The following FAT1 variants were observed in gnomAD, a reference collection of about 807,000 sequenced individuals.
The protein encoded by FAT1 is FAT atypical cadherin 1, also known as protocadherin Fat 1.
FAT1 carries 171 observed loss-of-function variants against 329.8 expected under a neutral mutation model. The observed-to-expected ratio is 0.52, with a 90% CI of 0.46 to 0.59. The LOEUF is 0.59. Among genes scored for constraint, FAT1 ranks in the 20% least tolerant of loss-of-function variants. The pLI is 0.00. For synonymous variants in FAT1, 2,233 were observed against 2,228.6 expected, an observed-to-expected ratio of 1.00 and a Z score of -0.06; for missense variants, 5,672 against 5,774.4, an observed-to-expected ratio of 0.98 and a Z score of 0.57.
In FAT1 at chr4:186,620,086, T is replaced by C. The variant is rs775086899; in HGVS notation, c.6500A>G (p.Glu2167Gly). 33 of 1,613,990 alleles carry C rather than the reference T, an allele frequency of 2.0e-5. 2 individuals carry two copies. The South Asian group carries it at 3.5e-4, about 17-fold the overall frequency. The change falls in exon 10 of 27, where the codon GAA (glutamate) becomes GGA (glycine). Residue 2167 changes from glutamate (E) to glycine (G), a missense_variant. Physicochemically the swap from Glu to Gly is moderately conservative, Grantham distance 98. Transcript: ENST00000441802. ...CATGACAGTGATCGGAACGATAACTTCCGCTGAAAAGGCCGGGTTCCCTCC... is the reference window on the plus strand; with the variant it reads ...CATGACAGTGATCGGAACGATAACTCCCGCTGAAAAGGCCGGGTTCCCTCC... ...KDGGNPAFSA[E>G]VIVPITVMNK...
intron 2 of FAT1, among the ~76,000 whole-genome samples, chr4:186,696,466 A>G (rs1439887916): frequency 6.6e-6 from 1 of 152,200 alleles, no homozygotes; most frequent in African/African-American, 2.4e-5. Flanking sequence ...AAACATGCAC[A>G]GGATCTATGA....
chr4:186,609,949 G>A lies in FAT1; in HGVS notation c.9920C>T (p.Ala3307Val), dbSNP rs2126460353. Residue 3307 changes from alanine (A) to valine (V), a missense_variant, in exon 15 of 27, where the codon GCC becomes GTC. Ala to Val is a moderately conservative substitution (Grantham distance 64, BLOSUM62 0). This residue lies in a region of FAT1 where 1,706 missense variants were observed against 1,859.1 expected (regional missense o/e 0.92). Coordinates refer to ENST00000441802, the MANE Select transcript of FAT1 (RefSeq NM_005245.4). ...CAGTGAAGGCGTGCCTCCATCAGTG[G>A]CCTCTACTGTTAGGTAATACTCATG... ...SSHEYYLTVEATDGGTPSLSD... is the reference protein window; with the variant it reads ...SSHEYYLTVEVTDGGTPSLSD... The A allele has an allele frequency of 1.2e-6, 2 of 1,613,292 alleles. No individual in the cohort carries two copies. The highest frequency in any genetic ancestry group is 1.7e-6 in the Non-Finnish European group (2 of 1,179,318).
chr4:186,615,502 A>T (rs1163567631), intron 11 of FAT1, among the ~76,000 whole-genome samples: 2 of 152,074 alleles, frequency 1.3e-5, no homozygotes, highest in African/African-American at 4.8e-5. Context: ...TGTCACTCTC[A>T]GCCTTCTTCC....
intron 1 of FAT1, among the ~76,000 whole-genome samples, chr4:186,723,025 G>C (rs569628897): frequency 6.6e-6 from 1 of 152,296 alleles, no homozygotes; most frequent in African/African-American, 2.4e-5. Context: ...ACAGCAGAAA[G>C]CTGGCTCTCT....
chr4:186,606,991 G>C (rs1739175840), intron 16 of FAT1, among the ~76,000 whole-genome samples: 1 of 152,218 alleles, frequency 6.6e-6, no homozygotes, highest in South Asian at 2.1e-4. Flanking sequence ...GGACAGAAGT[G>C]TATTAAAGGA....
intron 17 of FAT1, among the ~76,000 whole-genome samples, chr4:186,605,005 G>T (rs1421970932): frequency 6.6e-6 from 1 of 151,956 alleles, no homozygotes; most frequent in East Asian, 2.0e-4. Context: ...GATCACCTGA[G>T]GTCAGGAGTT....
intron 2 of FAT1, among the ~76,000 whole-genome samples, chr4:186,688,114 G>GAAAAAAAAAAAAAA (rs55834504): frequency 1.1e-4 from 6 of 55,652 alleles, no homozygotes; most frequent in Non-Finnish European, 1.6e-4. Context: ...ACTCAAAGCT[G>GAAAAAAAAAAAAAA]AAAAAAAAAA....
intron 3 of FAT1, among the ~76,000 whole-genome samples, chr4:186,650,231 C>T (rs763261760): frequency 5.9e-5 from 9 of 152,186 alleles, no homozygotes; most frequent in Non-Finnish European, 1.2e-4. Flanking sequence ...AGAACCACAA[C>T]TCAGCTAAGT....
rs762300432 is a variant in FAT1, at chr4:186,663,562, C to T, written c.3317G>A (p.Trp1106Ter). The T allele has an allele frequency of 6.2e-7, 1 of 1,612,910 alleles. No individual in the cohort carries two copies. ...CTGATCGGTTGCAAAGACTGTTAGC[C>T]AATAATGGGAGGTCGATTCACGGTC... ...RLDRESTSHYWLTVFATDQGV... is the reference protein window; with the variant it reads ...RLDRESTSHY Residue 1106 changes from tryptophan (W) to a stop codon, truncating the protein, a stop_gained, in exon 3 of 27, where the codon TGG becomes TAG. Coordinates refer to ENST00000441802, the MANE Select transcript of FAT1 (RefSeq NM_005245.4). LOFTEE classifies it high-confidence loss of function.
In FAT1 at chr4:186,614,349, A is replaced by G; in HGVS notation, c.9076-5T>C. 2 of 1,521,042 alleles carry G rather than the reference A, an allele frequency of 1.3e-6. No individual in the cohort carries two copies. Among genetic ancestry groups the G allele is most frequent in the East Asian group, 5.0e-5 (2 of 40,146 alleles). 94.2% of individuals were successfully genotyped at this position (1,521,042 alleles called of 1,614,324 possible). ...AATAGTGTCTGAATATAAAGTCTGC[A>G]AAGAGTTTAAACAAAAACGTTACAT... On this transcript the variant is annotated splice_polypyrimidine_tract_variant and splice_region_variant and intron_variant, in intron 11 of 26. Transcript: ENST00000441802.
chr4:186,598,049 T>G lies in FAT1; in HGVS notation c.12180A>C (p.Pro4060=), dbSNP rs1738618869. The change falls in exon 23 of 27, where the codon CCA becomes CCC. Residue 4060 remains proline, a synonymous_variant. Coordinates refer to ENST00000441802, the MANE Select transcript of FAT1 (RefSeq NM_005245.4). The stretch of plus-strand genomic sequence containing the variant: ...CAACACACGTGCCCCCATAGAGGCA[T>G]GGCTTGGAGGAACACGGATTGACGC... ...EISVNPCSSK[P]CLYGGTCVVD... The G allele has an allele frequency of 6.2e-7, 1 of 1,613,756 alleles. No homozygotes were observed. The highest frequency in any genetic ancestry group is 8.5e-7 in the Non-Finnish European group (1 of 1,179,872).
At chr4:186,668,808 T>G (rs191016900) in intron 2 of FAT1, among the ~76,000 whole-genome samples, 2 of 152,164 alleles carry the variant, frequency 1.3e-5, no homozygotes, top group Admixed American at 6.5e-5. Context: ...AGACTTCTAA[T>G]TAGTGCCTTT....
rs1219993354 is a variant in FAT1 at position 186,621,211 on chromosome 4, A to G, written c.5375T>C (p.Leu1792Pro). The part of the protein sequence containing the change: ...SVVLTDRNVP[L>P]VIRAADADKD... ...ATCAGCATCAGCTGCTCGAATCACCAGTGGGACATTCCTGTCTGTTAGGAC... is the reference window on the plus strand; with the variant it reads ...ATCAGCATCAGCTGCTCGAATCACCGGTGGGACATTCCTGTCTGTTAGGAC... Residue 1792 changes from leucine (L) to proline (P), a missense_variant, in exon 10 of 27, where the codon CTG becomes CCG. Physicochemically the swap from Leu to Pro is moderately conservative, Grantham distance 98. Transcript: ENST00000441802. 2 of 1,614,054 alleles carry G rather than the reference A, an allele frequency of 1.2e-6. No homozygotes were observed. The highest frequency in any genetic ancestry group is 1.7e-6 in the Non-Finnish European group (2 of 1,179,892).
intron 2 of FAT1, among the ~76,000 whole-genome samples, chr4:186,699,413 T>C (rs984024527): frequency 5.9e-5 from 9 of 152,102 alleles, no homozygotes; most frequent in African/African-American, 1.9e-4. Context: ...GAGTTCAACA[T>C]GGTATCAGAT....
chr4:186,666,637 C>A (rs1196801827), intron 2 of FAT1, among the ~76,000 whole-genome samples: 1 of 152,254 alleles, frequency 6.6e-6, no homozygotes, highest in Non-Finnish European at 1.5e-5. Context: ...ATGCTTCCAT[C>A]TACTGTTTTA....
intron 3 of FAT1, among the ~76,000 whole-genome samples, chr4:186,652,666 T>C (rs1483787279): frequency 6.6e-6 from 1 of 152,188 alleles, no homozygotes; most frequent in African/African-American, 2.4e-5. Flanking sequence ...GCCATTGAAA[T>C]GCGACTGGCC....
chr4:186,651,655 C>T (rs554068227), intron 3 of FAT1, among the ~76,000 whole-genome samples: 3 of 152,254 alleles, frequency 2.0e-5, no homozygotes, highest in Non-Finnish European at 2.9e-5. Flanking sequence ...GCCGACAAGC[C>T]GACTAGTCCA....
rs79061434 is a variant in FAT1 at position 186,605,278 on chromosome 4, G to C, written c.10351-704C>G. On this transcript the variant is annotated intron_variant, in intron 17 of 26. Coordinates refer to ENST00000441802, the MANE Select transcript of FAT1 (RefSeq NM_005245.4). ...AGAGGAGGAGTGGGGAGGAGAAAGAGAAGAGGTTGACAAGAGGAGGAAAAG... is the reference window on the plus strand; with the variant it reads ...AGAGGAGGAGTGGGGAGGAGAAAGACAAGAGGTTGACAAGAGGAGGAAAAG... 6.6e-3 allele frequency among the ~76,000 whole-genome samples: 876 copies of C among 133,532 alleles called. 17 individuals carry two copies. Among genetic ancestry groups the C allele is most frequent in the African/African-American group, 0.024 (847 of 34,910 alleles). 87.6% of individuals were successfully genotyped at this position (133,532 alleles called of 152,430 possible).
rs373220910 is a variant in FAT1 at position 186,707,099 on chromosome 4, G to A, written c.2729C>T (p.Thr910Ile). 1.2e-6 allele frequency: 2 copies of A among 1,613,888 alleles called. No homozygotes were observed. The highest frequency in any genetic ancestry group is 2.2e-5 in the East Asian group (1 of 44,888). The change falls in exon 2 of 27, where the codon ACT becomes ATT. Residue 910 changes from threonine to isoleucine, a missense_variant. By Grantham distance (89) the Thr-to-Ile change is moderately conservative (BLOSUM62 -1). Around this residue, in one of 2 missense-constraint regions of FAT1, gnomAD observed 3,966 missense variants for 3,915.2 expected, o/e 1.01. Transcript: ENST00000441802. ...TTCTAGTGATACTTTCACAACGACAGTGGAGAACAGCTGAGGCTCTTCTCT... is the reference window on the plus strand; with the variant it reads ...TTCTAGTGATACTTTCACAACGACAATGGAGAACAGCTGAGGCTCTTCTCT... ...QAREEPQLFSTVVVKVSLEDV... is the reference protein window; with the variant it reads ...QAREEPQLFSIVVVKVSLEDV...
Sources: gnomAD v4.1 joint callset for allele counts (sites outside exome capture counted in the v4.1 genomes callset) on GRCh38, gnomAD v4.1.1 for gene constraint, gnomAD v4.1.1 regional missense constraint, MANE v1.5 for transcripts, NCBI Gene and HGNC (gene_info 2026-07-23, HGNC 2026-07-21) for gene names.